HELZ2: variants seen among roughly 807,000 people sequenced by gnomAD.
The protein encoded by HELZ2 is 3'-5' exoribonuclease HELZ2.
Under a neutral mutation model 208.8 loss-of-function variants are expected in HELZ2, and 143 were observed. The ratio of observed to expected loss-of-function variants is 0.68; its 90% CI spans 0.60 to 0.79. The LOEUF is 0.79. Ranked by LOEUF, HELZ2 falls within the 30% of genes least tolerant of loss-of-function variation. HELZ2 has a pLI of 0.00. For missense variants in HELZ2, 3,690 were observed against 3,794.5 expected (o/e 0.97, Z 0.72); for synonymous variants, 1,705 against 1,693.7 (o/e 1.01, Z -0.16).
exon 8 of HELZ2, chr20:63,563,881 G>T (rs561872663): frequency 3.1e-6 from 5 of 1,598,296 alleles, no homozygotes; most frequent in East Asian, 2.3e-5. Flanking sequence ...CGCAGCGGCC[G>T]AACGCCGAGC....
chr20:63,570,814 C>T (rs747629659), exon 2 of HELZ2: 4 of 1,610,538 alleles, frequency 2.5e-6, no homozygotes, highest in South Asian at 2.2e-5. Context: ...ACTCCTGCAG[C>T]TCCTGTGCTG....
chr20:63,560,421 C>T, intron 16 of HELZ2, 58 bp downstream of exon 17: 1 of 1,594,980 alleles, frequency 6.3e-7, no homozygotes. Flanking sequence ...CAGACACTCA[C>T]CACCTCAGCC....
chr20:63,561,905 G>A (rs769803495), exon 11 of HELZ2: 3 of 1,584,168 alleles, frequency 1.9e-6, no homozygotes, highest in African/African-American at 2.7e-5. Context: ...CACGGGGGGG[G>A]CCTCCGGGCT....
rs114497943 is a variant in HELZ2, at chr20:63,564,073, G to C, written c.4749C>G (p.His1583Gln). ...GGGGACTGCCCCCGCCGCCGTGCAG[G>C]TGGTGGCCGAGGTGCAGTGACAGGG... The change falls in exon 8 of 19, where the codon CAC becomes CAG. Residue 1583 changes from histidine (H) to glutamine (Q), a missense_variant. Transcript: ENST00000467148. The C allele has an allele frequency of 4.6e-5, 74 of 1,607,568 alleles. No homozygotes were observed. The East Asian group carries it at 1.4e-3, about 31-fold the overall frequency.
At chr20:63,565,676 A>G (rs1280121266) in exon 8 of HELZ2, 1 of 1,608,960 alleles carries the variant, frequency 6.2e-7, no homozygotes, top group Non-Finnish European at 8.5e-7. Context: ...CGTGGACTCC[A>G]CGCCCGCTGC....
At chr20:63,565,122 G>A (rs2082936986) in exon 8 of HELZ2, 1 of 1,574,132 alleles carries the variant, frequency 6.4e-7, no homozygotes, top group Non-Finnish European at 8.6e-7. Context: ...ACCTGCGATG[G>A]GTCCTTCAGC....
In HELZ2 at chr20:63,561,590, A is replaced by G. The variant is rs561014565; in HGVS notation, c.6836+11T>C. On this transcript the variant is annotated intron_variant, in intron 12 of 18. Coordinates refer to ENST00000467148, the Ensembl canonical transcript of HELZ2. The stretch of plus-strand genomic sequence containing the variant: ...CCCACTCCGCCCAAGCCCCAAAGAC[A>G]GCAGGCACACCTGAGGCTCTGGTTC... 1 of 1,596,104 alleles carries G rather than the reference A, an allele frequency of 6.3e-7. No homozygotes were observed. The highest frequency in any genetic ancestry group is 2.2e-5 in the East Asian group (1 of 44,744).
In HELZ2 at chr20:63,561,168, C is replaced by CTT. The variant is rs1569028395; in HGVS notation, c.7059_7060insAA (p.Val2354LysfsTer2). ...GCCTCGTCAACAAGGATCTGCCTCA[C>CTT]GTCCAGGATTTTGAGGCTGGCAGAG... On this transcript the variant is annotated frameshift_variant, in exon 14 of 19. Coordinates refer to ENST00000467148, the Ensembl canonical transcript of HELZ2. LOFTEE classifies it high-confidence loss of function. 2 of 1,613,140 alleles carry CTT rather than the reference C, an allele frequency of 1.2e-6. No homozygotes were observed. Among genetic ancestry groups the CTT allele is most frequent in the Non-Finnish European group, 1.7e-6 (2 of 1,179,988 alleles).
exon 6 of HELZ2, chr20:63,567,432 G>A (rs367950895): frequency 1.8e-5 from 28 of 1,563,296 alleles, no homozygotes; most frequent in Admixed American, 5.7e-5. Context: ...TGACCACCAC[G>A]CGGTGCCGCG....
Position 63,570,855 on chromosome 20 carries a change from C to A in HELZ2, c.292G>T (p.Glu98Ter). Residue 98 changes from glutamate to a stop codon, truncating the protein, a stop_gained, in exon 2 of 19, where the codon GAG becomes TAG. Coordinates refer to ENST00000467148, the Ensembl canonical transcript of HELZ2. LOFTEE classifies it high-confidence loss of function. The stretch of plus-strand genomic sequence containing the variant: ...GCCTTGGTGCAGGCGTCCCCATACT[C>A]ACAGAGGTCAGGCCTGGGGGACAGG... 6.3e-7 allele frequency: 1 copy of A among 1,594,744 alleles called. No individual in the cohort carries two copies. Among genetic ancestry groups the A allele is most frequent in the South Asian group, 1.1e-5 (1 of 89,682 alleles).
exon 8 of HELZ2, chr20:63,565,429 G>T: frequency 6.2e-7 from 1 of 1,610,802 alleles, no homozygotes; most frequent in East Asian, 2.2e-5. Flanking sequence ...CGAAAGAGCA[G>T]TGGCGGTACC....
At chr20:63,560,697 G>T in exon 16 of HELZ2, 1 of 1,608,142 alleles carries the variant, frequency 6.2e-7, no homozygotes. Flanking sequence ...ATGCCCTCAT[G>T]CTGCAGGCAA....
At chr20:63,560,670 C>T in exon 16 of HELZ2, 1 of 1,609,388 alleles carries the variant, frequency 6.2e-7, no homozygotes, top group Non-Finnish European at 8.5e-7. Context: ...TAGAACGCCA[C>T]AGAGGGGAAG....
chr20:63,564,046 G>T, exon 8 of HELZ2: 4 of 1,603,812 alleles, frequency 2.5e-6, no homozygotes, highest in African/African-American at 2.7e-5. Flanking sequence ...GCCGCGTGTC[G>T]GGGGGACTGC....
exon 5 of HELZ2, chr20:63,568,705 A>C (rs1247604208): frequency 6.2e-7 from 1 of 1,605,816 alleles, no homozygotes; most frequent in Non-Finnish European, 8.5e-7. Flanking sequence ...GGCGGGCCTC[A>C]GGCTGCAGCC....
chr20:63,566,936 C>G, exon 6 of HELZ2: 2 of 1,610,676 alleles, frequency 1.2e-6, no homozygotes, highest in South Asian at 2.2e-5. Context: ...ACCTTCTCGA[C>G]GACCTGCGCA....
upstream of HELZ2, chr20:63,574,063 C>T (rs569612655): frequency 6.6e-6 from 1 of 150,494 alleles, no homozygotes; most frequent in African/African-American, 2.4e-5. Context: ...CTGCACTCAC[C>T]CTCCCGGACC....
chr20:63,561,711 GA>G lies in HELZ2; in HGVS notation c.6725del (p.Leu2242ProfsTer113). 6 of 1,611,250 alleles carry G rather than the reference GA, an allele frequency of 3.7e-6. No homozygotes were observed. The highest frequency in any genetic ancestry group is 5.1e-6 in the Non-Finnish European group (6 of 1,178,966). On this transcript the variant is annotated frameshift_variant, in exon 12 of 19. Transcript: ENST00000467148. LOFTEE classifies it high-confidence loss of function. The stretch of plus-strand genomic sequence containing the variant: ...CCTCAGCCTGCTCACTGTACACACG[GA>G]GGGGCTTCAGCTCCATCCTTCTCAG...
chr20:63,562,054 C>T lies in HELZ2; in HGVS notation c.6529+18G>A, dbSNP rs760127200. On this transcript the variant is annotated intron_variant, in intron 10 of 18. Coordinates refer to ENST00000467148, the Ensembl canonical transcript of HELZ2. The stretch of plus-strand genomic sequence containing the variant: ...TGTGGCCCAAGGCAGCCTGCGGCTC[C>T]CCCGGCATGGGCCCTACCTGGTGGG... 2.5e-6 allele frequency: 4 copies of T among 1,594,294 alleles called. No individual in the cohort carries two copies. The highest frequency in any genetic ancestry group is 2.6e-6 in the Non-Finnish European group (3 of 1,169,978).
Sources: allele counts gnomAD v4.1 joint callset, GRCh38; gene constraint gnomAD v4.1.1; transcripts MANE v1.5; gene names NCBI Gene and HGNC (gene_info 2026-07-23, HGNC 2026-07-21).